NCOA1: variants seen among roughly 807,000 people sequenced by gnomAD.
NCOA1 encodes nuclear receptor coactivator 1.
A neutral mutation model predicts 150.9 loss-of-function variants in NCOA1; 35 were observed. That is an observed-to-expected ratio of 0.23 (90% CI 0.18 to 0.31). The LOEUF is 0.31. Ranked by LOEUF, NCOA1 falls within the 10% of genes least tolerant of loss-of-function variation. The pLI is 1.00. For synonymous variants in NCOA1, 590 were observed against 630.0 expected, an observed-to-expected ratio of 0.94 and a Z score of 0.95; for missense variants, 1,491 against 1,749.3, an observed-to-expected ratio of 0.85 and a Z score of 2.63.
At chr2:24,746,681 C>G (rs1187571444) in intron 19 of NCOA1, among the ~76,000 whole-genome samples, 1 of 152,232 alleles carries the variant, frequency 6.6e-6, no homozygotes, top group Admixed American at 6.5e-5. Flanking sequence ...AAGTATTCCT[C>G]TAATTCATTA....
intron 7 of NCOA1, among the ~76,000 whole-genome samples, chr2:24,674,570 A>G (rs1285300031): frequency 1.3e-5 from 2 of 152,038 alleles, no homozygotes; most frequent in Admixed American, 6.5e-5. Context: ...ACTAGAAGAA[A>G]TTTTCGCACA....
intron 3 of NCOA1, among the ~76,000 whole-genome samples, chr2:24,599,373 CAT>C (rs561090581): frequency 1.5e-3 from 233 of 152,216 alleles, no homozygotes; most frequent in Non-Finnish European, 2.4e-3. Flanking sequence ...CATAGTATAA[CAT>C]ATAATATTTG....
At chr2:24,676,600 T>C (rs553408199) in intron 7 of NCOA1, among the ~76,000 whole-genome samples, 1 of 152,034 alleles carries the variant, frequency 6.6e-6, no homozygotes, top group East Asian at 1.9e-4. Context: ...CTGCACTAAC[T>C]CCCCAGCCAT....
chr2:24,551,574 T>C (rs1384748132), intron 1 of NCOA1, among the ~76,000 whole-genome samples: 1 of 152,190 alleles, frequency 6.6e-6, no homozygotes, highest in Non-Finnish European at 1.5e-5. Context: ...CCACTACTTG[T>C]TTTTGTAAAT....
At chr2:24,608,704 G>GTTTTTTTTTTTTT (rs56710627) in intron 3 of NCOA1, among the ~76,000 whole-genome samples, 4 of 117,334 alleles carry the variant, frequency 3.4e-5, no homozygotes, top group African/African-American at 1.3e-4. Flanking sequence ...TTGTTGTTGT[G>GTTTTTTTTTTTTT]TTTTTTTTTT....
At chr2:24,723,631 A>G (rs1317844883) in intron 14 of NCOA1, among the ~76,000 whole-genome samples, 3 of 152,122 alleles carry the variant, frequency 2.0e-5, no homozygotes, top group Non-Finnish European at 4.4e-5. Flanking sequence ...TCTCAATGTC[A>G]TTTTAATCTA....
chr2:24,582,636 C>A (rs1019127369), intron 2 of NCOA1, among the ~76,000 whole-genome samples: 1 of 152,080 alleles, frequency 6.6e-6, no homozygotes, highest in Non-Finnish European at 1.5e-5. Flanking sequence ...ACAGACGACC[C>A]CAAATAGGCA....
At chr2:24,505,340 T>A (rs1663648766) in intron 1 of NCOA1, among the ~76,000 whole-genome samples, 1 of 152,052 alleles carries the variant, frequency 6.6e-6, no homozygotes, top group East Asian at 1.9e-4. Context: ...CCACCATGCC[T>A]GGTTCATTTT....
chr2:24,575,993 T>G (rs887194470), intron 2 of NCOA1, among the ~76,000 whole-genome samples: 1 of 152,076 alleles, frequency 6.6e-6, no homozygotes, highest in Non-Finnish European at 1.5e-5. Context: ...TCTGGAGCAG[T>G]GAGTAGACTT....
chr2:24,762,709 A>G lies in NCOA1; in HGVS notation c.4088A>G (p.His1363Arg). 3 of 1,614,096 alleles carry G rather than the reference A, an allele frequency of 1.9e-6. No homozygotes were observed. The highest frequency in any genetic ancestry group is 1.7e-6 in the Non-Finnish European group (2 of 1,179,922). ...PEQINDPALR[H>R]TGLYCNQLSS... ...TAGATAAATGATCCCGCACTGAGACACACAGGCCTCTACTGCAACCAGCTC... is the reference window on the plus strand; with the variant it reads ...TAGATAAATGATCCCGCACTGAGACGCACAGGCCTCTACTGCAACCAGCTC... The change falls in exon 22 of 23, where the codon CAC (histidine) becomes CGC (arginine). Residue 1363 changes from histidine to arginine, a missense_variant. This residue lies in a region of NCOA1 where 485 missense variants were observed against 522.8 expected (regional missense o/e 0.93). Coordinates refer to ENST00000348332, the MANE Select transcript of NCOA1 (RefSeq NM_003743.5).
intron 1 of NCOA1, among the ~76,000 whole-genome samples, chr2:24,545,650 T>G (rs1482819375): frequency 6.6e-6 from 1 of 152,110 alleles, no homozygotes; most frequent in East Asian, 1.9e-4. Flanking sequence ...GACCAAGGTA[T>G]TTACATAGGA....
intron 3 of NCOA1, among the ~76,000 whole-genome samples, chr2:24,590,263 C>T (rs541565203): frequency 9.2e-5 from 14 of 152,258 alleles, no homozygotes; most frequent in African/African-American, 3.4e-4. Flanking sequence ...ATGAGAAAAG[C>T]ATGTCAGTAT....
intron 1 of NCOA1, among the ~76,000 whole-genome samples, chr2:24,519,390 CAG>C (rs1031988453): frequency 2.6e-5 from 4 of 152,036 alleles, no homozygotes; most frequent in African/African-American, 9.7e-5. Context: ...GACTGGGGGA[CAG>C]GGTTTCTTTT....
intron 4 of NCOA1, among the ~76,000 whole-genome samples, chr2:24,647,555 AATTT>A (rs1171130112): frequency 1.3e-5 from 2 of 152,202 alleles, no homozygotes; most frequent in African/African-American, 2.4e-5. Context: ...ATCAGAGCAT[AATTT>A]ATTAGTATGA....
intron 1 of NCOA1, among the ~76,000 whole-genome samples, chr2:24,516,799 G>A (rs1291251896): frequency 1.6e-5 from 2 of 128,382 alleles, no homozygotes; most frequent in Non-Finnish European, 3.3e-5. Context: ...TCATTCCAAT[G>A]TACTTTCCTA....
At chr2:24,557,081 G>A (rs1438201059) in intron 1 of NCOA1, among the ~76,000 whole-genome samples, 2 of 149,524 alleles carry the variant, frequency 1.3e-5, no homozygotes, top group Admixed American at 1.4e-4. Flanking sequence ...CCTACTAGAT[G>A]AGAGTAGCAG....
chr2:24,561,410 G>C (rs1666286375), intron 1 of NCOA1, among the ~76,000 whole-genome samples: 1 of 152,136 alleles, frequency 6.6e-6, no homozygotes, highest in Non-Finnish European at 1.5e-5. Flanking sequence ...AAATTCTTCA[G>C]AGCGATAAAA....
At chr2:24,608,875 A>G (rs1221483345) in intron 3 of NCOA1, among the ~76,000 whole-genome samples, 1 of 151,830 alleles carries the variant, frequency 6.6e-6, no homozygotes, top group Non-Finnish European at 1.5e-5. Context: ...CTGGCCAGAT[A>G]TTCTCTCTGT....
At chr2:24,547,455 T>A (rs1032964922) in intron 1 of NCOA1, among the ~76,000 whole-genome samples, 9 of 152,232 alleles carry the variant, frequency 5.9e-5, no homozygotes, top group African/African-American at 1.9e-4. Context: ...TCTTTCATCT[T>A]AGTTTTCCCT....
Sources: gnomAD v4.1 joint callset for allele counts (sites outside exome capture counted in the v4.1 genomes callset) on GRCh38, gnomAD v4.1.1 for gene constraint, gnomAD v4.1.1 regional missense constraint, MANE v1.5 for transcripts, NCBI Gene and HGNC (gene_info 2026-07-23, HGNC 2026-07-21) for gene names.